The following SPATA13 variants were observed in gnomAD, a reference collection of about 807,000 sequenced individuals.
The protein encoded by SPATA13 is spermatogenesis-associated protein 13.
SPATA13 carries 50 observed loss-of-function variants against 104.0 expected under a neutral mutation model. The ratio of observed to expected loss-of-function variants is 0.48; its 90% CI spans 0.38 to 0.61. The LOEUF is 0.61. SPATA13 is among the 20% of genes least tolerant of loss of function. SPATA13 has a pLI of 0.00. For synonymous variants in SPATA13, 606 were observed against 667.5 expected (o/e 0.91, Z 1.42); for missense variants, 1,524 against 1,690.6 (o/e 0.90, Z 1.73).
intron 2 of SPATA13, among the ~76,000 whole-genome samples, chr13:24,006,260 A>C (rs1276764564): frequency 6.6e-6 from 1 of 152,228 alleles, no homozygotes. Flanking sequence ...CCCAGTATTC[A>C]TAAGATGTCA....
At chr13:24,230,346 C>A (rs1289916898) in intron 2 of SPATA13, among the ~76,000 whole-genome samples, 1 of 152,156 alleles carries the variant, frequency 6.6e-6, no homozygotes, top group Non-Finnish European at 1.5e-5. Context: ...GTGGTAAGGG[C>A]TCCTCATGAG....
At chr13:24,024,434 A>G (rs907595288) in intron 3 of SPATA13, among the ~76,000 whole-genome samples, 10 of 151,086 alleles carry the variant, frequency 6.6e-5, no homozygotes, top group Non-Finnish European at 1.2e-4. Context: ...AGAAGAAGAA[A>G]CACCCCTCAT....
chr13:24,197,236 T>C (rs897549119), intron 1 of SPATA13, among the ~76,000 whole-genome samples: 2 of 152,174 alleles, frequency 1.3e-5, no homozygotes, highest in African/African-American at 4.8e-5. Flanking sequence ...TAGTCAAGTA[T>C]AAAATAATAT....
chr13:24,172,006 A>G (rs1882989957), intron 1 of SPATA13, among the ~76,000 whole-genome samples: 1 of 152,172 alleles, frequency 6.6e-6, no homozygotes, highest in Non-Finnish European at 1.5e-5. Context: ...GCAAGACTGT[A>G]CTACAATGGT....
At chr13:24,293,538 T>C (rs1462275569) in intron 9 of SPATA13, among the ~76,000 whole-genome samples, 1 of 152,246 alleles carries the variant, frequency 6.6e-6, no homozygotes, top group Non-Finnish European at 1.5e-5. Context: ...TTTTGGTTTT[T>C]TCAAAATAAA....
chr13:24,198,721 G>A (rs146580925), intron 1 of SPATA13, among the ~76,000 whole-genome samples: 45 of 152,258 alleles, frequency 3.0e-4, no homozygotes, highest in Non-Finnish European at 5.7e-4. Flanking sequence ...CCAAGTCTGG[G>A]TCGTCCTGTG....
chr13:24,085,215 C>T (rs560134638), intron 3 of SPATA13, among the ~76,000 whole-genome samples: 2 of 152,206 alleles, frequency 1.3e-5, no homozygotes, highest in South Asian at 4.1e-4. Flanking sequence ...CTCTGCCTCC[C>T]GGGATCAAGT....
intron 2 of SPATA13, among the ~76,000 whole-genome samples, chr13:23,991,959 C>T (rs972964274): frequency 6.6e-6 from 1 of 152,200 alleles, no homozygotes; most frequent in East Asian, 1.9e-4. Flanking sequence ...TGATGAAGAT[C>T]ATGGGGTTAT....
intron 2 of SPATA13, among the ~76,000 whole-genome samples, chr13:24,248,207 TCCCTGGGAA>T (rs1343270777): frequency 1.3e-5 from 2 of 152,212 alleles, no homozygotes; most frequent in African/African-American, 4.8e-5. Context: ...TCAGGCCTGA[TCCCTGGGAA>T]TGGTTACTCC....
rs373634223 is a variant in SPATA13, at chr13:24,040,685, C to T, written c.-112+22984C>T. Reference sequence around the variant, plus strand: ...TGACTTGAGGAGAATCCAACTAGGCCTCCTCTCCTGTGGATCCAAATTGTA... The same window carrying T: ...TGACTTGAGGAGAATCCAACTAGGCTTCCTCTCCTGTGGATCCAAATTGTA... On this transcript the variant is annotated intron_variant, in intron 3 of 14. Coordinates refer to the SPATA13 transcript ENST00000424834. 2.6e-5 allele frequency among the ~76,000 whole-genome samples: 4 copies of T among 152,116 alleles called. No individual in the cohort carries two copies. In the East Asian group the frequency reaches 7.7e-4, roughly 29 times the overall value.
chr13:23,985,434 C>G (rs185134884), intron 2 of SPATA13, among the ~76,000 whole-genome samples: 1 of 152,344 alleles, frequency 6.6e-6, no homozygotes, highest in Non-Finnish European at 1.5e-5. Context: ...TGGCTTCTTT[C>G]CTCTTACCTG....
At chr13:24,015,786 A>C (rs1292281484) in intron 2 of SPATA13, among the ~76,000 whole-genome samples, 1 of 97,054 alleles carries the variant, frequency 1.0e-5, no homozygotes, top group African/African-American at 3.6e-5. Context: ...CTTTCCAGCC[A>C]AACCATGCCA....
intron 4 of SPATA13, among the ~76,000 whole-genome samples, chr13:24,269,734 A>G (rs1400015787): frequency 7.1e-6 from 1 of 140,802 alleles, no homozygotes; most frequent in Non-Finnish European, 1.5e-5. Context: ...ATGCATGGCT[A>G]ATATAAATTT....
At chr13:24,268,412 G>A (rs1455136464) in intron 4 of SPATA13, among the ~76,000 whole-genome samples, 16 of 152,206 alleles carry the variant, frequency 1.1e-4, no homozygotes, top group Admixed American at 9.8e-4. Context: ...TGTATTGAAT[G>A]AATTGTCTAT....
intron 4 of SPATA13, among the ~76,000 whole-genome samples, chr13:24,276,226 GA>G (rs1874973970): frequency 6.6e-6 from 1 of 152,238 alleles, no homozygotes; most frequent in South Asian, 2.1e-4. Flanking sequence ...CAGGTAAACA[GA>G]ATGTGGTGTG....
At chr13:24,128,496 T>G (rs994170756) in intron 3 of SPATA13, among the ~76,000 whole-genome samples, 1 of 152,090 alleles carries the variant, frequency 6.6e-6, no homozygotes, top group African/African-American at 2.4e-5. Flanking sequence ...GCAGAGCCAT[T>G]AGGAAAGTGC....
At chr13:24,016,922 G>A (rs1593278422) in intron 2 of SPATA13, among the ~76,000 whole-genome samples, 1 of 152,242 alleles carries the variant, frequency 6.6e-6, no homozygotes, top group South Asian at 2.1e-4. Flanking sequence ...AATGAATACA[G>A]TTTTAGTTAC....
chr13:24,120,341 G>C (rs977468036), intron 3 of SPATA13, among the ~76,000 whole-genome samples: 1 of 152,224 alleles, frequency 6.6e-6, no homozygotes, highest in African/African-American at 2.4e-5. Context: ...AAGTCGCCTG[G>C]GTCACTAACT....
At chr13:24,275,558 A>T (rs1014100143) in intron 4 of SPATA13, among the ~76,000 whole-genome samples, 1 of 152,144 alleles carries the variant, frequency 6.6e-6, no homozygotes, top group Non-Finnish European at 1.5e-5. Flanking sequence ...TCTCATATTG[A>T]TTGTATGTAG....
Sources: allele counts gnomAD v4.1 joint callset (sites outside exome capture counted in the v4.1 genomes callset), GRCh38; gene constraint gnomAD v4.1.1; transcripts MANE v1.5; gene names NCBI Gene and HGNC (gene_info 2026-07-23, HGNC 2026-07-21).